The following SLC2A1 variants were observed in gnomAD, a reference collection of about 807,000 sequenced individuals.
SLC2A1 encodes solute carrier family 2, facilitated glucose transporter member 1.
A neutral mutation model predicts 46.6 loss-of-function variants in SLC2A1; 4 were observed. That is an observed-to-expected ratio of 0.09 (90% CI 0.04 to 0.20). The LOEUF is 0.20. Among genes scored for constraint, SLC2A1 ranks in the 10% least tolerant of loss-of-function variants. The probability of loss-of-function intolerance (pLI) is 1.00; values close to 1 mark genes in which losing one functional copy is unlikely to be tolerated. For missense variants in SLC2A1, 352 were observed against 667.0 expected (o/e 0.53, Z 5.20); for synonymous variants, 253 against 270.0 (o/e 0.94, Z 0.62).
chr1:42,936,391 A>G (rs577999009), intron 2 of SLC2A1, among the ~76,000 whole-genome samples: 17 of 152,174 alleles, frequency 1.1e-4, no homozygotes, highest in African/African-American at 3.9e-4. Context: ...CCTTCCCACA[A>G]GCTCTCAGCC....
At position 42,940,202 on chromosome 1, in the gene SLC2A1, G is replaced by A. The variant is rs78255351; in HGVS notation, c.114+3024C>T. Among the ~76,000 whole-genome samples the A allele has an allele frequency of 5.6e-3, 851 of 152,170 alleles. 11 individuals are homozygous for A. The highest frequency in any genetic ancestry group is 0.02 in the African/African-American group (811 of 41,506). On this transcript the variant is annotated intron_variant, in intron 2 of 9. Coordinates refer to ENST00000426263, the MANE Select transcript of SLC2A1 (RefSeq NM_006516.4). ...TCCCACCAACTCTTTTGGAAGAGCC[G>A]TCTCCACCCTTTCTCATCTGCCTCT...
At chr1:42,949,067 CAA>C (rs370563756) in intron 1 of SLC2A1, among the ~76,000 whole-genome samples, 19,452 of 106,836 alleles carry the variant, frequency 0.18, 1,499 homozygotes, top group South Asian at 0.23. Flanking sequence ...GACTCTGTCT[CAA>C]AAAAAAAAAA....
rs372559602 is a variant in SLC2A1 at position 42,931,096 on chromosome 1, C to G, written c.225G>C (p.Gly75=). ...CCACAGAGAAGGAGCCAATCATGCC[C>G]CCAACAGAAAAGATGGCCACTGAGA... The part of the protein sequence containing the change: ...WSLSVAIFSV[G]GMIGSFSVGL... Residue 75 remains glycine, a synonymous_variant, in exon 3 of 10, where the codon GGG becomes GGC. Transcript: ENST00000426263. 5.0e-6 allele frequency: 8 copies of G among 1,614,182 alleles called. No homozygotes were observed. In the East Asian group the frequency reaches 1.8e-4, roughly 36 times the overall value.
intron 2 of SLC2A1, among the ~76,000 whole-genome samples, chr1:42,942,297 G>A (rs1050851739): frequency 1.3e-5 from 2 of 152,158 alleles, no homozygotes; most frequent in African/African-American, 4.8e-5. Flanking sequence ...ATCTGCCTGG[G>A]CCTCAGTTTC....
chr1:42,944,292 G>C (rs1643628605), intron 1 of SLC2A1, among the ~76,000 whole-genome samples: 4 of 152,210 alleles, frequency 2.6e-5, no homozygotes, highest in Non-Finnish European at 5.9e-5. Context: ...AGGTGACTGA[G>C]AGGCCAGCAG....
At chr1:42,955,712 A>C (rs1437439803) in intron 1 of SLC2A1, among the ~76,000 whole-genome samples, 1 of 152,182 alleles carries the variant, frequency 6.6e-6, no homozygotes, top group Non-Finnish European at 1.5e-5. Context: ...AAAAGTGATG[A>C]GTGATGGGCA....
chr1:42,937,307 C>A lies in SLC2A1; in HGVS notation c.114+5919G>T, dbSNP rs551774575. Among the ~76,000 whole-genome samples the A allele has an allele frequency of 2.6e-5, 4 of 152,310 alleles. No individual in the cohort carries two copies. In the South Asian group the frequency reaches 8.3e-4, roughly 32 times the overall value. On this transcript the variant is annotated intron_variant, in intron 2 of 9. Coordinates refer to ENST00000426263, the MANE Select transcript of SLC2A1 (RefSeq NM_006516.4). ...GAGTTGACACTAAATGACCAACAAG[C>A]CATGAATCTAACTGAAGGGCTTGAG...
In SLC2A1 at chr1:42,929,821, G is replaced by A; in HGVS notation, c.680-41C>T. On this transcript the variant is annotated intron_variant, in intron 5 of 9. Coordinates refer to ENST00000426263, the MANE Select transcript of SLC2A1 (RefSeq NM_006516.4). The surrounding 1 kb of genome is among the most constrained non-coding windows in gnomAD (Gnocchi z 6.0). ...GGAAGGTGAGGGTGGCTCAGAGTGG[G>A]AAGAAGGCCAGGGCTCAGGGAGTGG... is the stretch of plus-strand genomic sequence containing the variant. 6.2e-7 allele frequency: 1 copy of A among 1,614,188 alleles called. No individual in the cohort carries two copies. Among genetic ancestry groups the A allele is most frequent in the South Asian group, 1.1e-5 (1 of 91,082 alleles).
chr1:42,943,342 C>T (rs1477540295), intron 1 of SLC2A1, 21 bp from the exon 2 acceptor site: 1 of 1,577,028 alleles, frequency 6.3e-7, no homozygotes, highest in Non-Finnish European at 8.7e-7. Flanking sequence ...ACAAACCACA[C>T]TGTTATAGGC....
At chr1:42,928,866 AT>A (rs1451943870) in intron 8 of SLC2A1, 65 bp downstream of exon 8, 2 of 1,411,266 alleles carry the variant, frequency 1.4e-6, no homozygotes, top group East Asian at 2.3e-5. Flanking sequence ...TGAGACAGGC[AT>A]TTTGGGATAT....
In SLC2A1 at chr1:42,929,955, C is replaced by A. The variant is rs768472703; in HGVS notation, c.597G>T (p.Leu199=). Residue 199 remains leucine (L), a synonymous_variant, in exon 5 of 10, where the codon CTG becomes CTT. Coordinates refer to ENST00000426263, the MANE Select transcript of SLC2A1 (RefSeq NM_006516.4). This position sits in a 1 kb window ranked among gnomAD's most constrained non-coding sequence, Gnocchi z 6.0. ...LLSIIFIPAL[L]QCIVLPFCPE... Reference sequence around the variant, plus strand: ...GGCAGAAGGGCAGCACGATGCACTGCAGCAGGGCCGGGATGAAGATGATGC... The same window carrying A: ...GGCAGAAGGGCAGCACGATGCACTGAAGCAGGGCCGGGATGAAGATGATGC... 3.7e-6 allele frequency: 6 copies of A among 1,614,060 alleles called. No homozygotes were observed. In the African/African-American group the frequency reaches 8.0e-5, roughly 22 times the overall value.
intron 1 of SLC2A1, chr1:42,952,495 G>C (rs1643732169): frequency 2.5e-5 from 11 of 434,252 alleles, no homozygotes; most frequent in Non-Finnish European, 5.2e-5. Context: ...CTGGACTTCA[G>C]GATCAGCTCC....
intron 2 of SLC2A1, among the ~76,000 whole-genome samples, chr1:42,934,653 C>A (rs924348537): frequency 6.6e-6 from 1 of 152,134 alleles, no homozygotes; most frequent in Non-Finnish European, 1.5e-5. Context: ...ACTTATTATG[C>A]CCTGACAGGA....
At chr1:42,935,187 C>G (rs1643530021) in intron 2 of SLC2A1, among the ~76,000 whole-genome samples, 1 of 152,154 alleles carries the variant, frequency 6.6e-6, no homozygotes, top group Non-Finnish European at 1.5e-5. Context: ...GTCCAGGTGC[C>G]TCACTGAGCC....
chr1:42,946,045 T>C (rs948897001), intron 1 of SLC2A1, among the ~76,000 whole-genome samples: 1 of 152,212 alleles, frequency 6.6e-6, no homozygotes, highest in Admixed American at 6.5e-5. Flanking sequence ...TGACACTGGC[T>C]ATGTGAGGTA....
chr1:42,930,410 G>A lies in SLC2A1; in HGVS notation c.516+216C>T, dbSNP rs1643476078. ...GGCGGGCCCTGTGGTTGGAAGCCTA[G>A]AGTGAGAAGAAAGGGACTGAGAAGA... On this transcript the variant is annotated intron_variant, in intron 4 of 9. Coordinates refer to ENST00000426263, the MANE Select transcript of SLC2A1 (RefSeq NM_006516.4). The surrounding 1 kb of genome is among the most constrained non-coding windows in gnomAD (Gnocchi z 6.2). 1.5e-5 allele frequency: 11 copies of A among 746,788 alleles called. No homozygotes were observed. In the East Asian group the frequency reaches 2.7e-4, roughly 18 times the overall value. 46.3% of individuals were successfully genotyped at this position (746,788 alleles called of 1,614,324 possible). A position where few individuals can be genotyped will look rare whatever the true frequency, so the allele number is the denominator to read the frequency against.
chr1:42,931,827 CAAAAAA>C (rs35734592), intron 2 of SLC2A1, among the ~76,000 whole-genome samples: 8 of 106,274 alleles, frequency 7.5e-5, no homozygotes, highest in Admixed American at 1.9e-4. Flanking sequence ...CTCTATGTCT[CAAAAAA>C]AAAAAAAAAA....
At chr1:42,932,275 C>G (rs1482238437) in intron 2 of SLC2A1, among the ~76,000 whole-genome samples, 1 of 152,110 alleles carries the variant, frequency 6.6e-6, no homozygotes, top group South Asian at 2.1e-4. Context: ...GCCCTGCCCC[C>G]ACCCTGGCCA....
intron 1 of SLC2A1, chr1:42,951,488 CAG>C (rs1643720070): frequency 5.2e-6 from 1 of 191,250 alleles, no homozygotes. Flanking sequence ...GTTTGGTGAA[CAG>C]AATGGGTTGC....
Sources: allele counts gnomAD v4.1 joint callset (sites outside exome capture counted in the v4.1 genomes callset), GRCh38; gene constraint gnomAD v4.1.1; non-coding constraint Gnocchi (gnomAD v3.1); transcripts MANE v1.5; gene names NCBI Gene and HGNC (gene_info 2026-07-23, HGNC 2026-07-21).